CBR4: variants seen among roughly 807,000 people sequenced by gnomAD.
CBR4 encodes the protein carbonyl reductase 4.
In CBR4, 22 loss-of-function variants were observed where a neutral mutation model predicts 21.0. That is an observed-to-expected ratio of 1.05 (90% CI 0.75 to 1.50). The LOEUF (loss-of-function observed/expected upper bound fraction) is 1.50. CBR4 is among the 40% of genes most tolerant of loss of function. CBR4 has a pLI of 0.00. For missense variants in CBR4, 302 were observed against 286.3 expected (o/e 1.05, Z -0.40); for synonymous variants, 100 against 104.4 (o/e 0.96, Z 0.26).
intron 2 of CBR4, among the ~76,000 whole-genome samples, chr4:168,964,353 G>A (rs1455828517): frequency 6.6e-6 from 1 of 152,066 alleles, no homozygotes; most frequent in Non-Finnish European, 1.5e-5. Context: ...ATTTTCTTAT[G>A]TCATAATGCC....
chr4:168,979,696 C>T (rs1194979410), intron 2 of CBR4, among the ~76,000 whole-genome samples: 1 of 152,118 alleles, frequency 6.6e-6, no homozygotes, highest in African/African-American at 2.4e-5. Context: ...CCACCGCCTA[C>T]TCTTCACCAT....
At chr4:168,906,827 A>G (rs576237043) in intron 2 of CBR4, among the ~76,000 whole-genome samples, 1 of 152,262 alleles carries the variant, frequency 6.6e-6, no homozygotes, top group East Asian at 1.9e-4. Flanking sequence ...AATCTTACCC[A>G]AAGCCCAATA....
chr4:168,964,756 G>T (rs940310784), intron 2 of CBR4, among the ~76,000 whole-genome samples: 10 of 152,132 alleles, frequency 6.6e-5, no homozygotes, highest in Non-Finnish European at 1.5e-5. Flanking sequence ...AGGAAAGAAG[G>T]GTCTCCAAGG....
intron 2 of CBR4, among the ~76,000 whole-genome samples, chr4:168,902,240 G>T (rs1270250144): frequency 1.3e-5 from 2 of 152,136 alleles, no homozygotes; most frequent in Non-Finnish European, 2.9e-5. Context: ...CAACTAAAGG[G>T]TCTAAAGTAT....
chr4:168,915,092 T>TC (rs1759836581), intron 2 of CBR4, among the ~76,000 whole-genome samples: 1 of 152,228 alleles, frequency 6.6e-6, no homozygotes, highest in African/African-American at 2.4e-5. Context: ...AAGCTTTTTT[T>TC]CCCATAAATT....
At position 169,002,996 on chromosome 4, in the gene CBR4, T is replaced by C. The variant is rs137957710; in HGVS notation, c.401-791A>G. Among the ~76,000 whole-genome samples the C allele has an allele frequency of 9.8e-5, 15 of 152,326 alleles. No homozygotes were observed. The East Asian group carries it at 1.9e-3, about 20-fold the overall frequency. On this transcript the variant is annotated intron_variant, in intron 3 of 4. Transcript: ENST00000306193. ...ACAAAATATTACTGCTCACTGACAA[T>C]GCATCTGGTCACCAAAGAGCTCTGA...
chr4:168,995,039 C>T (rs1671838012), intron 4 of CBR4, among the ~76,000 whole-genome samples: 1 of 152,090 alleles, frequency 6.6e-6, no homozygotes, highest in Non-Finnish European at 1.5e-5. Flanking sequence ...CAGGCGTGAG[C>T]CACCATGCAG....
intron 2 of CBR4, among the ~76,000 whole-genome samples, chr4:168,969,441 C>T (rs1343275996): frequency 6.6e-6 from 1 of 152,144 alleles, no homozygotes; most frequent in African/African-American, 2.4e-5. Flanking sequence ...TAAGGTTATA[C>T]ACTTCAAAAT....
Position 168,919,363 on chromosome 4 carries a change from A to G in CBR4, n.170-24598T>C, listed in dbSNP as rs28559692. On this transcript the variant is annotated intron_variant and non_coding_transcript_variant, in intron 2 of 3. Coordinates refer to the CBR4 transcript ENST00000509108. ...ACATGGTGAAACCCCGTCTCTACTA[A>G]AATACAAAAAAATCAGCCAGGCATG... 7.7e-3 allele frequency among the ~76,000 whole-genome samples: 1,168 copies of G among 152,104 alleles called. 18 individuals carry two copies. Among genetic ancestry groups the G allele is most frequent in the African/African-American group, 0.026 (1,092 of 41,474 alleles).
intron 2 of CBR4, among the ~76,000 whole-genome samples, chr4:168,956,431 CAA>C (rs1389291680): frequency 6.8e-6 from 1 of 147,910 alleles, no homozygotes; most frequent in African/African-American, 2.5e-5. Context: ...CCTGTCTCCA[CAA>C]AAAAAAACAC....
chr4:169,005,702 G>T (rs1023786093), intron 3 of CBR4, among the ~76,000 whole-genome samples: 2 of 152,152 alleles, frequency 1.3e-5, no homozygotes, highest in Non-Finnish European at 2.9e-5. Context: ...TTGACTCATT[G>T]ACTAATCTCT....
rs1342782562 is a variant in CBR4, at chr4:168,928,288, T to C, written n.170-33523A>G. 1.7e-5 allele frequency: 3 copies of C among 181,538 alleles called. No homozygotes were observed. The East Asian group carries it at 2.7e-4, about 16-fold the overall frequency. 11.2% of individuals were successfully genotyped at this position (181,538 alleles called of 1,614,324 possible). A position where few individuals can be genotyped will look rare whatever the true frequency, so the allele number is the denominator to read the frequency against. On this transcript the variant is annotated intron_variant and non_coding_transcript_variant, in intron 2 of 3. Coordinates refer to the CBR4 transcript ENST00000509108. ...TTTTGCTGATTTGCTGGGTTTGGGA[T>C]TAACTAGCATTATTTTGCCACCTTT...
intron 2 of CBR4, among the ~76,000 whole-genome samples, chr4:168,914,423 A>T (rs966378560): frequency 2.6e-5 from 4 of 152,206 alleles, no homozygotes; most frequent in African/African-American, 9.6e-5. Context: ...GGTTTCTTAA[A>T]ATCAGCTCAT....
At chr4:168,921,978 AT>A (rs1324955359) in intron 2 of CBR4, among the ~76,000 whole-genome samples, 1 of 152,050 alleles carries the variant, frequency 6.6e-6, no homozygotes, top group Admixed American at 6.6e-5. Flanking sequence ...CTTTTGGGTC[AT>A]TCGACCTCCT....
intron 2 of CBR4, among the ~76,000 whole-genome samples, chr4:168,909,895 T>C (rs1160905972): frequency 6.6e-6 from 1 of 152,136 alleles, no homozygotes; most frequent in Non-Finnish European, 1.5e-5. Context: ...AATGACAAAA[T>C]TATACAACTT....
At chr4:168,969,246 C>T (rs761766625) in intron 2 of CBR4, among the ~76,000 whole-genome samples, 1 of 152,200 alleles carries the variant, frequency 6.6e-6, no homozygotes, top group Non-Finnish European at 1.5e-5. Context: ...CAGGGTTCTT[C>T]ATGAAGGAGA....
chr4:168,991,719 T>C (rs1165408640), intron 4 of CBR4, among the ~76,000 whole-genome samples: 1 of 152,194 alleles, frequency 6.6e-6, no homozygotes, highest in African/African-American at 2.4e-5. Context: ...ATTAATAAAA[T>C]GCTTAGCCCA....
At chr4:168,985,352 G>A (rs1010783812), downstream of CBR4, among the ~76,000 whole-genome samples, 6 of 152,038 alleles carry the variant, frequency 3.9e-5, no homozygotes, top group East Asian at 1.9e-4. Context: ...ACCATCTCAC[G>A]CCACTCAGAT....
intron 2 of CBR4, among the ~76,000 whole-genome samples, chr4:168,962,567 G>A (rs1034813348): frequency 6.6e-6 from 1 of 152,190 alleles, no homozygotes; most frequent in Non-Finnish European, 1.5e-5. Context: ...AGAATTGCTG[G>A]TTGGTAGAGA....
Sources: allele counts gnomAD v4.1 joint callset (sites outside exome capture counted in the v4.1 genomes callset), GRCh38; gene constraint gnomAD v4.1.1; transcripts MANE v1.5; gene names NCBI Gene and HGNC (gene_info 2026-07-23, HGNC 2026-07-21).